The following COBL variants were observed in gnomAD, a reference collection of about 807,000 sequenced individuals.
COBL encodes the protein protein cordon-bleu.
In COBL, 51 loss-of-function variants were observed where a neutral mutation model predicts 98.8. That is an observed-to-expected ratio of 0.52 (90% confidence interval 0.41 to 0.65). The LOEUF is 0.65. Among genes scored for constraint, COBL ranks in the 30% least tolerant of loss-of-function variants. COBL has a pLI of 0.00. For missense variants in COBL, 1,617 were observed against 1,617.5 expected (o/e 1.00, Z 0.01); for synonymous variants, 634 against 651.7 (o/e 0.97, Z 0.41).
chr7:51,120,023 C>T (rs1797610274), intron 6 of COBL, among the ~76,000 whole-genome samples: 1 of 152,116 alleles, frequency 6.6e-6, no homozygotes. Flanking sequence ...TTGTTGGCTC[C>T]CTCAGCAAAG....
At chr7:51,086,355 TCAGAAAAAA>T in intron 6 of COBL, among the ~76,000 whole-genome samples, 1 of 77,388 alleles carries the variant, frequency 1.3e-5, no homozygotes. Context: ...AGACTGTGTC[TCAGAAAAAA>T]AAAAAAAAAA....
Position 51,043,474 on chromosome 7 carries a change from A to G in COBL, c.1315T>C (p.Cys439Arg). The G allele has an allele frequency of 6.2e-7, 1 of 1,614,192 alleles. No homozygotes were observed. Among genetic ancestry groups the G allele is most frequent in the Non-Finnish European group, 8.5e-7 (1 of 1,180,032 alleles). The change falls in exon 8 of 13, where the codon TGC (cysteine) becomes CGC (arginine). Residue 439 changes from cysteine (C) to arginine (R), a missense_variant. Coordinates refer to ENST00000265136, the MANE Select transcript of COBL (RefSeq NM_015198.5). ...KDKWATDQEDCSDQDLAGTPD... is the reference protein window; with the variant it reads ...KDKWATDQEDRSDQDLAGTPD... ...GTTCCAGCGAGGTCCTGGTCACTGC[A>G]GTCTTCCTGGTCTGTGGCCCACTTG...
intron 1 of COBL, among the ~76,000 whole-genome samples, chr7:51,250,637 T>C (rs1796645824): frequency 6.6e-6 from 1 of 152,230 alleles, no homozygotes. Context: ...TTCTAGTTCA[T>C]ATATTACTAA....
chr7:51,305,280 AC>A (rs1179148146), intron 1 of COBL, among the ~76,000 whole-genome samples: 1 of 152,206 alleles, frequency 6.6e-6, no homozygotes, highest in East Asian at 1.9e-4. Context: ...CCCAGCGTAA[AC>A]ACAAGCCATG....
At chr7:51,208,748 A>T (rs1792083496) in intron 2 of COBL, among the ~76,000 whole-genome samples, 2 of 152,082 alleles carry the variant, frequency 1.3e-5, no homozygotes, top group Non-Finnish European at 2.9e-5. Context: ...GATCCTATTG[A>T]TCTGTGACCT....
At chr7:51,248,415 A>C (rs1796449277) in intron 1 of COBL, among the ~76,000 whole-genome samples, 1 of 152,162 alleles carries the variant, frequency 6.6e-6, no homozygotes, top group South Asian at 2.1e-4. Flanking sequence ...CCAGCAAGAC[A>C]CTTCAGAAGA....
intron 1 of COBL, among the ~76,000 whole-genome samples, chr7:51,242,795 G>A (rs536375746): frequency 6.6e-6 from 1 of 152,318 alleles, no homozygotes; most frequent in South Asian, 2.1e-4. Context: ...CTGGGTAGAA[G>A]AGGCCCACTC....
At position 51,160,909 on chromosome 7, in the gene COBL, C is replaced by CT. The variant is rs371720725; in HGVS notation, c.783+23192dup. Among the ~76,000 whole-genome samples the CT allele has an allele frequency of 2.7e-3, 389 of 145,442 alleles. 1 individual carries two copies. The highest frequency in any genetic ancestry group is 7.8e-3 in the African/African-American group (312 of 39,812). On this transcript the variant is annotated intron_variant, in intron 5 of 12. Coordinates refer to ENST00000265136, the MANE Select transcript of COBL (RefSeq NM_015198.5). ...AATTTATTTTGTTTTGAATATAAAG[C>CT]TTTTTTTTTTTTGAGATGGAGTCTC...
At chr7:51,062,324 T>C (rs1186785622) in intron 7 of COBL, among the ~76,000 whole-genome samples, 3 of 151,944 alleles carry the variant, frequency 2.0e-5, no homozygotes, top group Non-Finnish European at 2.9e-5. Context: ...TGGCAGGAGA[T>C]ACATCCAAGG....
At chr7:51,236,487 T>G (rs2129113498) in intron 1 of COBL, among the ~76,000 whole-genome samples, 1 of 152,188 alleles carries the variant, frequency 6.6e-6, no homozygotes, top group East Asian at 1.9e-4. Flanking sequence ...TTAAGAAAAC[T>G]TAGGGATCCA....
chr7:51,278,657 G>C (rs571291909), intron 1 of COBL, among the ~76,000 whole-genome samples: 167 of 152,300 alleles, frequency 1.1e-3, no homozygotes, highest in African/African-American at 3.5e-3. Flanking sequence ...TGGGATTACA[G>C]GCGTGAGCCA....
At chr7:51,125,423 C>A (rs552485832) in intron 6 of COBL, among the ~76,000 whole-genome samples, 65 of 152,268 alleles carry the variant, frequency 4.3e-4, no homozygotes, top group African/African-American at 1.5e-3. Flanking sequence ...CTGTTGAAAC[C>A]ACCCAGTCGG....
intron 6 of COBL, among the ~76,000 whole-genome samples, chr7:51,110,517 G>A (rs993420249): frequency 2.0e-5 from 3 of 152,240 alleles, no homozygotes; most frequent in South Asian, 2.1e-4. Flanking sequence ...ATCCGCTGAC[G>A]GACACTTAGG....
At chr7:51,205,092 A>C (rs1791545059) in intron 2 of COBL, among the ~76,000 whole-genome samples, 1 of 152,168 alleles carries the variant, frequency 6.6e-6, no homozygotes. Context: ...ATCTCACAAA[A>C]AGATCTACAG....
At chr7:51,103,770 A>G (rs1344665047) in intron 6 of COBL, among the ~76,000 whole-genome samples, 1 of 152,246 alleles carries the variant, frequency 6.6e-6, no homozygotes, top group Non-Finnish European at 1.5e-5. Context: ...TAACTAAAGT[A>G]TAAAGTGGCA....
chr7:51,139,926 T>A (rs913755404), intron 5 of COBL, among the ~76,000 whole-genome samples: 10 of 152,174 alleles, frequency 6.6e-5, no homozygotes, highest in African/African-American at 2.4e-4. Context: ...GTGGCAAAGT[T>A]CATGAGGGAC....
intron 1 of COBL, among the ~76,000 whole-genome samples, chr7:51,313,814 A>G (rs1449052212): frequency 1.3e-5 from 2 of 152,224 alleles, no homozygotes; most frequent in Non-Finnish European, 2.9e-5. Context: ...AGTTAAATAT[A>G]CTTCAAAACC....
chr7:51,116,180 C>T (rs190955996), intron 6 of COBL, among the ~76,000 whole-genome samples: 1 of 152,182 alleles, frequency 6.6e-6, no homozygotes, highest in East Asian at 1.9e-4. Flanking sequence ...AGTCTGTTAA[C>T]ATTTAATGTA....
chr7:51,164,087 G>A (rs937799353), intron 5 of COBL, among the ~76,000 whole-genome samples: 1 of 152,114 alleles, frequency 6.6e-6, no homozygotes, highest in African/African-American at 2.4e-5. Flanking sequence ...ATGAGTAAGA[G>A]TTTTATCTCT....
Sources: gnomAD v4.1 joint callset for allele counts (sites outside exome capture counted in the v4.1 genomes callset) on GRCh38, gnomAD v4.1.1 for gene constraint, MANE v1.5 for transcripts, NCBI Gene and HGNC (gene_info 2026-07-23, HGNC 2026-07-21) for gene names.